The following EIF3I variants were observed in gnomAD, a reference collection of about 807,000 sequenced individuals.
The protein encoded by EIF3I is eukaryotic translation initiation factor 3 subunit I.
In EIF3I, 20 loss-of-function variants were observed where a neutral mutation model predicts 43.3. The observed-to-expected ratio is 0.46, with a 90% CI of 0.32 to 0.67. EIF3I has a LOEUF of 0.67. EIF3I is among the 30% of genes least tolerant of loss of function. The probability of loss-of-function intolerance (pLI) is 0.03; values close to 1 mark genes in which losing one functional copy is unlikely to be tolerated. For synonymous variants in EIF3I, 167 were observed against 151.7 expected (o/e 1.10, Z -0.74); for missense variants, 279 against 421.4 (o/e 0.66, Z 2.96).
At chr1:32,231,171 A>G in exon 12 of EIF3I, 1 of 1,613,900 alleles carries the variant, frequency 6.2e-7, no homozygotes, top group Non-Finnish European at 8.5e-7. Flanking sequence ...GACCCACAGT[A>G]CTTCGAATTT....
exon 3 of EIF3I, chr1:32,224,065 A>G: frequency 1.9e-6 from 3 of 1,614,106 alleles, no homozygotes; most frequent in Non-Finnish European, 2.5e-6. Flanking sequence ...GTGAATGGTG[A>G]GAGGCTGGGC....
At chr1:32,222,485 G>T (rs1486102624) in intron 1 of EIF3I, 41 bp downstream of exon 1, 1 of 1,612,466 alleles carries the variant, frequency 6.2e-7, no homozygotes, top group East Asian at 2.2e-5. Context: ...GGGGTCCTGG[G>T]CTGAGGCTGG....
chr1:32,235,517 C>T (rs1639288740), downstream of EIF3I, among the ~76,000 whole-genome samples: 1 of 152,122 alleles, frequency 6.6e-6, no homozygotes, highest in African/African-American at 2.4e-5. Flanking sequence ...TGTTAGGTTT[C>T]ACCATGTTGG....
exon 5 of EIF3I, chr1:32,226,298 C>T (rs746283063): frequency 1.2e-5 from 19 of 1,613,938 alleles, no homozygotes; most frequent in Middle Eastern, 1.6e-4. Flanking sequence ...GCTTTTTTGA[C>T]CTGCGGGATC....
At chr1:32,225,713 G>A (rs1639132411) in intron 4 of EIF3I, among the ~76,000 whole-genome samples, 1 of 145,112 alleles carries the variant, frequency 6.9e-6, no homozygotes, top group South Asian at 2.2e-4. Context: ...TGCAGGACAA[G>A]AGCGAAACTC....
intron 2 of EIF3I, among the ~76,000 whole-genome samples, chr1:32,223,801 G>C (rs947485736): frequency 1.3e-5 from 2 of 152,152 alleles, no homozygotes; most frequent in African/African-American, 4.8e-5. Flanking sequence ...AGGAGAGCTG[G>C]AGCTAACAAA....
downstream of EIF3I, chr1:32,231,837 C>G (rs1175133206): frequency 6.5e-6 from 1 of 152,814 alleles, no homozygotes; most frequent in Non-Finnish European, 1.5e-5. Context: ...GGAGCCAGTG[C>G]TTAGAATAGG....
chr1:32,226,824 CT>C (rs1216197071), intron 6 of EIF3I, among the ~76,000 whole-genome samples: 203 of 78,636 alleles, frequency 2.6e-3, no homozygotes, highest in Non-Finnish European at 3.7e-3. Flanking sequence ...CCGCTCGTGG[CT>C]TTTTTTTTTT....
intron 6 of EIF3I, 76 bp downstream of exon 6, chr1:32,226,606 G>C (rs1254867991): frequency 7.4e-7 from 1 of 1,355,748 alleles, no homozygotes; most frequent in Non-Finnish European, 9.5e-7. Flanking sequence ...TCTCTCTGTT[G>C]CCCAGGCTGG....
At chr1:32,225,551 T>C (rs145321637) in intron 4 of EIF3I, among the ~76,000 whole-genome samples, 2,011 of 149,710 alleles carry the variant, frequency 0.013, 38 homozygotes, top group African/African-American at 0.046. Context: ...AAGACCAGCC[T>C]GGCCAACATG....
intron 6 of EIF3I, among the ~76,000 whole-genome samples, chr1:32,227,388 G>T (rs1350065431): frequency 6.6e-6 from 1 of 151,348 alleles, no homozygotes; most frequent in East Asian, 1.9e-4. Context: ...CAATTTACAT[G>T]ACTTCTCTGA....
downstream of EIF3I, chr1:32,232,088 T>C (rs1639245881): frequency 6.5e-6 from 1 of 152,702 alleles, no homozygotes; most frequent in Admixed American, 6.5e-5. Flanking sequence ...GCCAAGGGAT[T>C]GAGGAGGTAG....
rs190235233 is a variant in EIF3I at position 32,228,703 on chromosome 1, T to G, written c.640-24T>G. The G allele has an allele frequency of 2.5e-6, 4 of 1,600,362 alleles. No homozygotes were observed. In the East Asian group the frequency reaches 6.7e-5, roughly 27 times the overall value. On this transcript the variant is annotated intron_variant, in intron 7 of 11. Coordinates refer to ENST00000676679, the Ensembl canonical transcript of EIF3I. ...TCCCCCAGGAAAGCTCTTTACAGAT[T>G]TCCCCCCTGCCTTCTCTCTCCAGCT...
At chr1:32,235,475 C>T (rs1275258534), downstream of EIF3I, among the ~76,000 whole-genome samples, 2 of 152,058 alleles carry the variant, frequency 1.3e-5, no homozygotes, top group East Asian at 1.9e-4. Context: ...GGACTACAGG[C>T]GACCGCCACC....
rs1425622098 is a variant in EIF3I, at chr1:32,226,623, G to A, written c.528+93G>A. ...TCTCTGTTGCCCAGGCTGGAGTGCA[G>A]TGGCGCCATCTCGGCTCACTGCGAC... On this transcript the variant is annotated intron_variant, in intron 6 of 11. Transcript: ENST00000676679. 6 of 1,304,576 alleles carry A rather than the reference G, an allele frequency of 4.6e-6. No homozygotes were observed. In the Admixed American group the frequency reaches 1.5e-4, roughly 32 times the overall value. 80.8% of individuals were successfully genotyped at this position (1,304,576 alleles called of 1,614,324 possible).
chr1:32,228,534 C>G, exon 7 of EIF3I: 2 of 1,614,130 alleles, frequency 1.2e-6, no homozygotes, highest in Non-Finnish European at 1.7e-6. Flanking sequence ...AGGAGCACTC[C>G]CGGCAGATCA....
chr1:32,226,796 C>T lies in EIF3I; in HGVS notation c.528+266C>T, dbSNP rs1401082607. Among the ~76,000 whole-genome samples the T allele has an allele frequency of 1.3e-4, 19 of 143,258 alleles. No individual in the cohort carries two copies. The East Asian group carries it at 4.0e-3, about 30-fold the overall frequency. The allele number at this position is 143,258 out of a possible 152,430, so 94.0% of individuals were successfully genotyped here. The stretch of plus-strand genomic sequence containing the variant: ...TGTTGGTCAGTCTGGTCACGAACTC[C>T]TGACCTCAGGCAGTCCACCGCTCGT... On this transcript the variant is annotated intron_variant, in intron 6 of 11. Coordinates refer to ENST00000676679, the Ensembl canonical transcript of EIF3I.
At chr1:32,236,159 A>G (rs1286758321), downstream of EIF3I, among the ~76,000 whole-genome samples, 2 of 152,336 alleles carry the variant, frequency 1.3e-5, no homozygotes, top group African/African-American at 2.4e-5. Flanking sequence ...TAAACAATTC[A>G]TAAGTTTTAA....
downstream of EIF3I, chr1:32,234,064 G>A (rs1261597623): frequency 3.3e-5 from 5 of 152,136 alleles, no homozygotes; most frequent in Admixed American, 6.6e-5. Context: ...TTAGGAGGCC[G>A]AGGTGGGCAG....
Sources: gnomAD v4.1 joint callset for allele counts (sites outside exome capture counted in the v4.1 genomes callset) on GRCh38, gnomAD v4.1.1 for gene constraint, MANE v1.5 for transcripts, NCBI Gene and HGNC (gene_info 2026-07-23, HGNC 2026-07-21) for gene names.